Variants in FBN2 observed in about 807,000 individuals in gnomAD.
FBN2 encodes the protein fibrillin 2, also known as fibrillin-2.
Under a neutral mutation model 355.6 loss-of-function variants are expected in FBN2, and 105 were observed. The observed-to-expected ratio is 0.30, with a 90% CI of 0.25 to 0.35. The LOEUF is 0.35. Among genes scored for constraint, FBN2 ranks in the 10% least tolerant of loss-of-function variants. The probability of loss-of-function intolerance (pLI) is 1.00; values close to 1 mark genes in which losing one functional copy is unlikely to be tolerated. For synonymous variants in FBN2, 1,350 were observed against 1,301.2 expected (o/e 1.04, Z -0.81); for missense variants, 3,280 against 3,758.7 (o/e 0.87, Z 3.33).
intron 55 of FBN2, among the ~76,000 whole-genome samples, chr5:128,281,832 C>G (rs1158011388): frequency 6.6e-6 from 1 of 152,036 alleles, no homozygotes; most frequent in Non-Finnish European, 1.5e-5. Context: ...ACTACAGGCG[C>G]CCGCCACCAC....
chr5:128,464,945 A>T (rs778702671), intron 5 of FBN2, 24 bp from the exon 6 acceptor site: 1 of 1,611,032 alleles, frequency 6.2e-7, no homozygotes, highest in African/African-American at 1.3e-5. Context: ...GAAGAAAGAA[A>T]GACAGGTTTT....
chr5:128,378,672 T>G, intron 12 of FBN2, 99 bp downstream of exon 12: 1 of 1,280,980 alleles, frequency 7.8e-7, no homozygotes, highest in South Asian at 1.2e-5. Context: ...ATGTAACACT[T>G]ATTTTATTCC....
chr5:128,504,983 T>C (rs1755916447), intron 5 of FBN2, among the ~76,000 whole-genome samples: 1 of 152,164 alleles, frequency 6.6e-6, no homozygotes, highest in Non-Finnish European at 1.5e-5. Flanking sequence ...CATACTGTTC[T>C]CATGGTAGTG....
chr5:128,362,251 T>A (rs1751657509), intron 18 of FBN2, among the ~76,000 whole-genome samples: 1 of 152,238 alleles, frequency 6.6e-6, no homozygotes, highest in African/African-American at 2.4e-5. Context: ...ATGATTAAAA[T>A]TTTTAAAAAG....
At chr5:128,495,053 A>G (rs964675264) in intron 5 of FBN2, among the ~76,000 whole-genome samples, 2 of 152,212 alleles carry the variant, frequency 1.3e-5, no homozygotes, top group Non-Finnish European at 2.9e-5. Context: ...AACAAGGTTT[A>G]CTGACAATGT....
intron 6 of FBN2, among the ~76,000 whole-genome samples, chr5:128,462,091 C>T (rs925382446): frequency 3.9e-5 from 6 of 152,136 alleles, no homozygotes; most frequent in African/African-American, 1.4e-4. Flanking sequence ...ACTACAAGGG[C>T]ATGTTTCATT....
At chr5:128,449,699 A>G (rs1754186940) in intron 6 of FBN2, among the ~76,000 whole-genome samples, 1 of 151,780 alleles carries the variant, frequency 6.6e-6, no homozygotes, top group East Asian at 1.9e-4. Context: ...TAAACACAAT[A>G]AAATTGATAA....
chr5:128,393,242 G>C lies in FBN2; in HGVS notation c.1358C>G (p.Pro453Arg). ...APSGNGNGYG[P>R]GGTGFIPIPG... ...GATGGGGATGAAGCCTGTCCCTCCTGGGCCATAGCCATTGCCATTGCCACT... is the reference window on the plus strand; with the variant it reads ...GATGGGGATGAAGCCTGTCCCTCCTCGGCCATAGCCATTGCCATTGCCACT... Residue 453 changes from proline to arginine, a missense_variant, in exon 10 of 65, where the codon CCA becomes CGA. Transcript: ENST00000262464. The C allele has an allele frequency of 6.2e-7, 1 of 1,614,086 alleles. No individual in the cohort carries two copies. Among genetic ancestry groups the C allele is most frequent in the South Asian group, 1.1e-5 (1 of 91,080 alleles).
intron 46 of FBN2, among the ~76,000 whole-genome samples, 189 bp downstream of exon 46, chr5:128,302,784 C>T (rs141378717): frequency 6.6e-6 from 1 of 152,054 alleles, no homozygotes; most frequent in African/African-American, 2.4e-5. Flanking sequence ...AGTATATTGT[C>T]TTGTGACAAT....
chr5:128,273,632 A>C (rs1209884971), intron 61 of FBN2, among the ~76,000 whole-genome samples: 4 of 152,210 alleles, frequency 2.6e-5, no homozygotes, highest in Non-Finnish European at 1.5e-5. Flanking sequence ...TCAATTCGTA[A>C]TCACAGAATT....
At chr5:128,382,675 A>G (rs1396678251) in intron 11 of FBN2, among the ~76,000 whole-genome samples, 2 of 152,068 alleles carry the variant, frequency 1.3e-5, no homozygotes, top group Non-Finnish European at 2.9e-5. Context: ...CTATATGTCC[A>G]GTTTTGCTCA....
chr5:128,520,182 G>A (rs989501882), intron 4 of FBN2, among the ~76,000 whole-genome samples: 1 of 152,056 alleles, frequency 6.6e-6, no homozygotes. Context: ...AGCCCAAGAG[G>A]GAGCCAGTAA....
intron 5 of FBN2, among the ~76,000 whole-genome samples, chr5:128,478,876 G>A (rs1395582457): frequency 6.6e-6 from 1 of 152,130 alleles, no homozygotes; most frequent in African/African-American, 2.4e-5. Context: ...GGCTATAGTA[G>A]GCAGCCTTCA....
chr5:128,500,228 TCAACAACAACAA>T (rs60501095), intron 5 of FBN2, among the ~76,000 whole-genome samples: 3 of 148,940 alleles, frequency 2.0e-5, no homozygotes, highest in Non-Finnish European at 4.4e-5. Context: ...ACAGCTAATA[TCAACAACAACAA>T]CAACAACAAC....
At chr5:128,524,372 G>A (rs935809535) in intron 4 of FBN2, among the ~76,000 whole-genome samples, 4 of 151,926 alleles carry the variant, frequency 2.6e-5, no homozygotes, top group African/African-American at 4.8e-5. Context: ...AAAACTTCTC[G>A]CTACCTAAAT....
intron 11 of FBN2, among the ~76,000 whole-genome samples, chr5:128,388,834 C>T (rs917675619): frequency 2.6e-5 from 4 of 152,080 alleles, no homozygotes; most frequent in Non-Finnish European, 5.9e-5. Flanking sequence ...TCATCTTGTA[C>T]AGTATTTCAC....
At chr5:128,408,524 T>C (rs1752988348) in intron 8 of FBN2, 150 bp downstream of exon 8, 1 of 917,112 alleles carries the variant, frequency 1.1e-6, no homozygotes, top group East Asian at 2.7e-5. Flanking sequence ...ACCTGGTCTA[T>C]CAATCCCTCA....
At chr5:128,451,337 G>C (rs917369323) in intron 6 of FBN2, among the ~76,000 whole-genome samples, 1 of 152,164 alleles carries the variant, frequency 6.6e-6, no homozygotes, top group African/African-American at 2.4e-5. Flanking sequence ...TATATGGCAA[G>C]AAGTCTATAT....
intron 55 of FBN2, among the ~76,000 whole-genome samples, chr5:128,284,768 G>A (rs1182853041): frequency 6.6e-6 from 1 of 152,046 alleles, no homozygotes; most frequent in East Asian, 1.9e-4. Context: ...CCTCACCTCC[G>A]GCAGTCTCCA....
Sources: gnomAD v4.1 joint callset for allele counts (sites outside exome capture counted in the v4.1 genomes callset) on GRCh38, gnomAD v4.1.1 for gene constraint, MANE v1.5 for transcripts, NCBI Gene and HGNC (gene_info 2026-07-23, HGNC 2026-07-21) for gene names.